The following AGTR1 variants were observed in gnomAD, a reference collection of about 807,000 sequenced individuals.
AGTR1 encodes type-1 angiotensin II receptor.
Under a neutral mutation model 19.4 loss-of-function variants are expected in AGTR1, and 16 were observed. That is an observed-to-expected ratio of 0.82 (90% confidence interval 0.56 to 1.25). The LOEUF (loss-of-function observed/expected upper bound fraction) is 1.25, where lower values mean the gene tolerates loss of function less well. Ranked by LOEUF, AGTR1 falls within the 50% of genes most tolerant of loss-of-function variation. The pLI is 0.00. For missense variants in AGTR1, 373 were observed against 431.9 expected (o/e 0.86, Z 1.21); for synonymous variants, 153 against 154.9 (o/e 0.99, Z 0.09).
At chr3:148,705,748 A>G (rs1712632023) in intron 1 of AGTR1, among the ~76,000 whole-genome samples, 1 of 151,488 alleles carries the variant, frequency 6.6e-6, no homozygotes, top group African/African-American at 2.4e-5. Flanking sequence ...TAAAATATTT[A>G]GTGGCAAGTA....
intron 2 of AGTR1, among the ~76,000 whole-genome samples, chr3:148,713,311 G>A (rs1204865447): frequency 7.4e-6 from 1 of 135,416 alleles, no homozygotes; most frequent in East Asian, 1.9e-4. Flanking sequence ...ATATTGGTTG[G>A]AGGGGGGGAA....
At chr3:148,734,407 C>T (rs533836585) in intron 2 of AGTR1, among the ~76,000 whole-genome samples, 2 of 152,194 alleles carry the variant, frequency 1.3e-5, no homozygotes, top group South Asian at 2.1e-4. Flanking sequence ...TTGGTACATG[C>T]AGAATTAATA....
At chr3:148,736,400 G>A (rs1714572729) in intron 2 of AGTR1, among the ~76,000 whole-genome samples, 1 of 152,104 alleles carries the variant, frequency 6.6e-6, no homozygotes. Flanking sequence ...GACTTTTAAT[G>A]GCAATGGAAG....
chr3:148,717,152 A>G (rs1470632844), intron 2 of AGTR1, among the ~76,000 whole-genome samples: 1 of 152,104 alleles, frequency 6.6e-6, no homozygotes, highest in Non-Finnish European at 1.5e-5. Context: ...AACTGGAATT[A>G]TTGCCTTTGT....
intron 2 of AGTR1, among the ~76,000 whole-genome samples, chr3:148,717,256 G>C (rs558067065): frequency 2.2e-4 from 34 of 152,134 alleles, no homozygotes; most frequent in Non-Finnish European, 4.9e-4. Context: ...GTCAGGCACT[G>C]TGTCATGCAC....
chr3:148,716,444 ATT>A lies in AGTR1; in HGVS notation c.-48+8419_-48+8420del, dbSNP rs10546327. 0.05 allele frequency among the ~76,000 whole-genome samples: 7,582 copies of A among 152,152 alleles called. 613 individuals carry two copies. Among genetic ancestry groups the A allele is most frequent in the African/African-American group, 0.17 (7,180 of 41,512 alleles). On this transcript the variant is annotated intron_variant, in intron 2 of 2. Coordinates refer to ENST00000349243, the MANE Select transcript of AGTR1 (RefSeq NM_000685.5). The surrounding 1 kb of genome is among the most constrained non-coding windows in gnomAD (Gnocchi z 4.7). ...GTTAATAGTACAAATACAGTTATTT[ATT>A]TATAACTAGTGCAAATACAGTTATT...
chr3:148,728,995 G>T (rs1258615963), intron 2 of AGTR1, among the ~76,000 whole-genome samples: 1 of 86,262 alleles, frequency 1.2e-5, no homozygotes, highest in African/African-American at 4.9e-5. Flanking sequence ...TTGGATTGGA[G>T]ACTTGTAACT....
intron 2 of AGTR1, among the ~76,000 whole-genome samples, chr3:148,727,881 C>T (rs909580561): frequency 6.6e-6 from 1 of 152,128 alleles, no homozygotes; most frequent in Non-Finnish European, 1.5e-5. Flanking sequence ...GGAACCAGAG[C>T]AGGGTTTTTC....
At chr3:148,720,883 C>T (rs1217500623) in intron 2 of AGTR1, among the ~76,000 whole-genome samples, 1 of 152,160 alleles carries the variant, frequency 6.6e-6, no homozygotes, top group African/African-American at 2.4e-5. Flanking sequence ...ATTCATTCTA[C>T]TTCACAGTTT....
At chr3:148,737,979 G>T (rs1714663243) in intron 2 of AGTR1, among the ~76,000 whole-genome samples, 1 of 152,152 alleles carries the variant, frequency 6.6e-6, no homozygotes, top group African/African-American at 2.4e-5. Context: ...GCTTGTGAAG[G>T]AGTTGGAGTA....
chr3:148,701,956 A>C (rs1454147910), intron 1 of AGTR1, among the ~76,000 whole-genome samples: 1 of 151,768 alleles, frequency 6.6e-6, no homozygotes, highest in African/African-American at 2.4e-5. Context: ...AATATTGAGA[A>C]ATACACATAT....
At chr3:148,709,698 TGTTCACAAAA>T (rs1712873378) in intron 2 of AGTR1, among the ~76,000 whole-genome samples, 1 of 152,152 alleles carries the variant, frequency 6.6e-6, no homozygotes, top group African/African-American at 2.4e-5. Context: ...ATACAAAAAG[TGTTCACAAAA>T]GGACCTTCTG....
chr3:148,735,113 G>A (rs3772611), intron 2 of AGTR1, among the ~76,000 whole-genome samples: 3 of 152,132 alleles, frequency 2.0e-5, no homozygotes, highest in Non-Finnish European at 4.4e-5. Flanking sequence ...GTCAGGACCA[G>A]TAGGCACATA....
intron 2 of AGTR1, among the ~76,000 whole-genome samples, chr3:148,733,681 C>G (rs1714416403): frequency 6.6e-6 from 1 of 152,136 alleles, no homozygotes; most frequent in Non-Finnish European, 1.5e-5. Context: ...AATGATGTTT[C>G]CTCCCCATGA....
At chr3:148,733,784 G>A (rs984486217) in intron 2 of AGTR1, among the ~76,000 whole-genome samples, 1 of 152,252 alleles carries the variant, frequency 6.6e-6, no homozygotes, top group East Asian at 1.9e-4. Flanking sequence ...AGTGTAAGAG[G>A]ACAGGGGTTC....
chr3:148,723,794 C>G (rs1414878883), intron 2 of AGTR1, among the ~76,000 whole-genome samples: 1 of 152,134 alleles, frequency 6.6e-6, no homozygotes, highest in African/African-American at 2.4e-5. Context: ...CTGTGTTTTA[C>G]CGTAACCTCC....
chr3:148,740,078 T>C, intron 2 of AGTR1: 1 of 968,864 alleles, frequency 1.0e-6, no homozygotes, highest in Non-Finnish European at 1.3e-6. Context: ...GTTGATTATG[T>C]AGAAAATCAG....
chr3:148,701,004 A>G (rs1712308109), intron 1 of AGTR1, among the ~76,000 whole-genome samples: 1 of 152,194 alleles, frequency 6.6e-6, no homozygotes, highest in African/African-American at 2.4e-5. Context: ...ATCACTTTAC[A>G]TTTTGTTTTA....
chr3:148,709,903 TAAAG>T (rs1231776907), intron 2 of AGTR1, among the ~76,000 whole-genome samples: 1 of 152,158 alleles, frequency 6.6e-6, no homozygotes, highest in Admixed American at 6.6e-5. Flanking sequence ...AATGAATAAA[TAAAG>T]AACCGTATTC....
Sources: gnomAD v4.1 joint callset for allele counts (sites outside exome capture counted in the v4.1 genomes callset) on GRCh38, gnomAD v4.1.1 for gene constraint, Gnocchi (gnomAD v3.1) non-coding constraint, MANE v1.5 for transcripts, NCBI Gene and HGNC (gene_info 2026-07-23, HGNC 2026-07-21) for gene names.